Variants in STUM observed in about 807,000 individuals in gnomAD.
STUM encodes protein stum homolog.
A neutral mutation model predicts 15.3 loss-of-function variants in STUM; 8 were observed. That is an observed-to-expected ratio of 0.52 (90% CI 0.31 to 0.94). The LOEUF (loss-of-function observed/expected upper bound fraction) is 0.94. STUM is among the 40% of genes least tolerant of loss of function. STUM has a pLI of 0.05. For synonymous variants in STUM, 78 were observed against 88.7 expected (o/e 0.88, Z 0.68); for missense variants, 142 against 204.9 (o/e 0.69, Z 1.87).
At chr1:226,572,801 C>T (rs1667739476) in intron 1 of STUM, among the ~76,000 whole-genome samples, 1 of 152,234 alleles carries the variant, frequency 6.6e-6, no homozygotes, top group Admixed American at 6.5e-5. Context: ...GAATGGCTTC[C>T]TTCTGTTTCA....
intron 3 of STUM, among the ~76,000 whole-genome samples, chr1:226,601,505 T>C (rs1233304374): frequency 6.6e-6 from 1 of 152,230 alleles, no homozygotes; most frequent in East Asian, 1.9e-4. Flanking sequence ...AACAATGTTT[T>C]AAAGGTTTAG....
chr1:226,596,540 C>T (rs923695815), intron 1 of STUM, among the ~76,000 whole-genome samples: 7 of 152,240 alleles, frequency 4.6e-5, no homozygotes, highest in African/African-American at 1.7e-4. Flanking sequence ...TTGTCTCCCC[C>T]AGAGGTTCCA....
intron 1 of STUM, among the ~76,000 whole-genome samples, chr1:226,584,745 T>C (rs1667972132): frequency 1.3e-5 from 2 of 152,204 alleles, no homozygotes; most frequent in African/African-American, 4.8e-5. Context: ...TTTAATTTTT[T>C]TGTGTTAGAC....
intron 1 of STUM, among the ~76,000 whole-genome samples, chr1:226,568,461 G>A (rs1456703531): frequency 1.3e-5 from 2 of 152,216 alleles, no homozygotes; most frequent in Non-Finnish European, 2.9e-5. Context: ...GTGGTTCATC[G>A]CCCCATCCAG....
intron 1 of STUM, among the ~76,000 whole-genome samples, chr1:226,594,985 C>T (rs1397121941): frequency 6.6e-6 from 1 of 152,138 alleles, no homozygotes; most frequent in Non-Finnish European, 1.5e-5. Context: ...GGGAAGTTGG[C>T]TCATGTGATC....
intron 1 of STUM, among the ~76,000 whole-genome samples, chr1:226,594,611 C>CT: frequency 6.6e-6 from 1 of 152,256 alleles, no homozygotes; most frequent in African/African-American, 2.4e-5. Flanking sequence ...AGTTATTAGT[C>CT]AGGGTTCTCT....
chr1:226,562,473 T>TG (rs1178746723), intron 1 of STUM, among the ~76,000 whole-genome samples: 1 of 142,340 alleles, frequency 7.0e-6, no homozygotes, highest in African/African-American at 2.7e-5. Flanking sequence ...AGACTCCTTC[T>TG]GAAAAAAAAA....
chr1:226,577,521 T>TCA (rs1238968001), intron 1 of STUM, among the ~76,000 whole-genome samples: 2 of 135,012 alleles, frequency 1.5e-5, no homozygotes, highest in African/African-American at 5.7e-5. Flanking sequence ...ACACACACAC[T>TCA]CACACACTCA....
At chr1:226,553,808 A>G (rs773840334) in intron 1 of STUM, among the ~76,000 whole-genome samples, 1 of 152,258 alleles carries the variant, frequency 6.6e-6, no homozygotes, top group East Asian at 1.9e-4. Context: ...GTGGCTTTCA[A>G]CTTCTAAAAT....
intron 1 of STUM, among the ~76,000 whole-genome samples, chr1:226,593,748 G>C (rs1419872379): frequency 6.6e-6 from 1 of 152,216 alleles, no homozygotes; most frequent in East Asian, 1.9e-4. Context: ...CAGGAACACA[G>C]TGGGGGTAGT....
intron 2 of STUM, among the ~76,000 whole-genome samples, chr1:226,599,731 C>A (rs1288513105): frequency 6.6e-6 from 1 of 152,222 alleles, no homozygotes; most frequent in Non-Finnish European, 1.5e-5. Context: ...TAACAAACAA[C>A]AACACCCTGT....
chr1:226,593,135 G>A (rs371185534), intron 1 of STUM, among the ~76,000 whole-genome samples: 345 of 144,576 alleles, frequency 2.4e-3, no homozygotes, highest in South Asian at 8.3e-3. Flanking sequence ...GCAGTGAGCT[G>A]AGATCACACC....
rs1327264491 is a variant in STUM, at chr1:226,607,258, G to C, written c.*5218G>C. 1 of 152,318 alleles carries C rather than the reference G, an allele frequency of 6.6e-6. No homozygotes were observed. The highest frequency in any genetic ancestry group is 1.5e-5 in the Non-Finnish European group (1 of 68,130). 9.4% of individuals were successfully genotyped at this position (152,318 alleles called of 1,614,324 possible). ...GAGCTGGATGTTCACGGGATCATGGGGCATGGAGGTGGTCACGCTCAGACA... is the reference window on the plus strand; with the variant it reads ...GAGCTGGATGTTCACGGGATCATGGCGCATGGAGGTGGTCACGCTCAGACA... On this transcript the variant is annotated 3_prime_UTR_variant, in exon 4 of 4. Coordinates refer to ENST00000366788, the MANE Select transcript of STUM (RefSeq NM_001003665.4).
chr1:226,570,916 A>C (rs1429735811), intron 1 of STUM, among the ~76,000 whole-genome samples: 6 of 152,198 alleles, frequency 3.9e-5, no homozygotes, highest in Non-Finnish European at 8.8e-5. Flanking sequence ...ATTGAAAAAG[A>C]CTTATTAAAA....
At position 226,602,498 on chromosome 1, in the gene STUM, G is replaced by A. The variant is rs563770732; in HGVS notation, c.*458G>A. ...CCTGCCTCAAAATCTGGTGCCCCGA[G>A]TGTTTACTGTGTGGTCTCCTGGGGG... On this transcript the variant is annotated 3_prime_UTR_variant, in exon 4 of 4. Transcript: ENST00000366788. The A allele has an allele frequency of 5.9e-6, 1 of 168,360 alleles. No homozygotes were observed. The highest frequency in any genetic ancestry group is 1.6e-4 in the East Asian group (1 of 6,260). 10.4% of individuals were successfully genotyped at this position (168,360 alleles called of 1,614,324 possible).
intron 1 of STUM, among the ~76,000 whole-genome samples, chr1:226,570,783 GT>G (rs1249304152): frequency 2.0e-5 from 3 of 152,182 alleles, no homozygotes; most frequent in Non-Finnish European, 4.4e-5. Flanking sequence ...TCTTAACCTT[GT>G]TTTTGTGCCA....
chr1:226,597,509 A>T, intron 2 of STUM: 3 of 467,564 alleles, frequency 6.4e-6, no homozygotes, highest in South Asian at 4.7e-5. Flanking sequence ...TGTGTCCTAT[A>T]CCCCCCAAAA....
chr1:226,597,555 G>A (rs955801243), intron 2 of STUM: 6 of 447,750 alleles, frequency 1.3e-5, no homozygotes, highest in Non-Finnish European at 2.8e-5. Flanking sequence ...TCAGAGGTAA[G>A]CTGAGCCAGG....
At chr1:226,585,960 C>G (rs1667990415) in intron 1 of STUM, among the ~76,000 whole-genome samples, 1 of 147,062 alleles carries the variant, frequency 6.8e-6, no homozygotes, top group Admixed American at 6.9e-5. Context: ...GAAGGGACCT[C>G]TTCCTGATTT....
Sources: allele counts gnomAD v4.1 joint callset (sites outside exome capture counted in the v4.1 genomes callset), GRCh38; gene constraint gnomAD v4.1.1; transcripts MANE v1.5; gene names NCBI Gene and HGNC (gene_info 2026-07-23, HGNC 2026-07-21).